ANKDD1A: variants seen among roughly 807,000 people sequenced by gnomAD.
ANKDD1A encodes ankyrin repeat and death domain-containing protein 1A.
Under a neutral mutation model 63.5 loss-of-function variants are expected in ANKDD1A, and 59 were observed. The observed-to-expected ratio is 0.93, with a 90% CI of 0.75 to 1.15. The LOEUF (loss-of-function observed/expected upper bound fraction) is 1.15. ANKDD1A is among the 50% of genes most tolerant of loss of function. The pLI, the probability that ANKDD1A is intolerant of heterozygous loss-of-function variation, is 0.00. For missense variants in ANKDD1A, 632 were observed against 656.4 expected, an observed-to-expected ratio of 0.96 and a Z score of 0.41; for synonymous variants, 266 against 263.9, an observed-to-expected ratio of 1.01 and a Z score of -0.08.
rs565229630 is a variant in ANKDD1A, at chr15:64,918,337, G to A, written c.267+823G>A. Among the ~76,000 whole-genome samples, 9 of 152,256 alleles carry A rather than the reference G, an allele frequency of 5.9e-5. No homozygotes were observed. In the East Asian group the frequency reaches 7.7e-4, roughly 13 times the overall value. On this transcript the variant is annotated intron_variant, in intron 3 of 14. Transcript: ENST00000319580. ...CCATGAAAACAATTTTCTTTGTTCC[G>A]GCTTCTCTCTGCTCCCAGGCCTCAC...
At chr15:64,942,646 T>A in intron 10 of ANKDD1A, 81 bp downstream of exon 10, 1 of 1,061,736 alleles carries the variant, frequency 9.4e-7, no homozygotes, top group Non-Finnish European at 1.4e-6. Flanking sequence ...TGTGGTCTCC[T>A]AGCATGGCCC....
At position 64,930,841 on chromosome 15, in the gene ANKDD1A, A is replaced by C; in HGVS notation, c.590A>C (p.His197Pro). 1 of 1,612,964 alleles carries C rather than the reference A, an allele frequency of 6.2e-7. No individual in the cohort carries two copies. The highest frequency in any genetic ancestry group is 2.2e-5 in the East Asian group (1 of 44,862). ...CTGCAGGAGGGGAACACTGCCCTTC[A>C]TCTGGCTGCTGGTCGGGGCCATATG... ...VKDKEGNTAL[H>P]LAAGRGHMAV... is the part of the protein sequence containing the mutation. Residue 197 changes from histidine (H) to proline (P), a missense_variant, in exon 7 of 15, where the codon CAT (histidine) becomes CCT (proline). By Grantham distance (77) the His-to-Pro change is moderately conservative. Transcript: ENST00000319580.
At chr15:64,953,380 TTTCTTC>T (rs142108770) in intron 14 of ANKDD1A, among the ~76,000 whole-genome samples, 8 of 144,868 alleles carry the variant, frequency 5.5e-5, no homozygotes, top group Admixed American at 2.8e-4. Flanking sequence ...CTTCTTTTCC[TTTCTTC>T]TTCTTAGTTC....
chr15:64,953,930 TTTC>T (rs2085366251), intron 14 of ANKDD1A, among the ~76,000 whole-genome samples: 1 of 6,782 alleles, frequency 1.5e-4, no homozygotes, highest in Non-Finnish European at 8.7e-4. Flanking sequence ...CTTTTTCTTT[TTTC>T]TTTTCTTCCT....
intron 12 of ANKDD1A, 62 bp downstream of exon 12, chr15:64,944,809 G>T: frequency 6.3e-7 from 1 of 1,575,698 alleles, no homozygotes; most frequent in South Asian, 1.1e-5. Flanking sequence ...GCTCCAGATG[G>T]AGCTGGCTTT....
intron 4 of ANKDD1A, among the ~76,000 whole-genome samples, chr15:64,923,900 G>A (rs181096486): frequency 6.6e-6 from 1 of 152,186 alleles, no homozygotes; most frequent in Non-Finnish European, 1.5e-5. Flanking sequence ...CGGGGTCTTG[G>A]GTGTATATGG....
At position 64,915,778 on chromosome 15, in the gene ANKDD1A, C is replaced by A. The variant is rs139539808; in HGVS notation, c.35-19C>A. On this transcript the variant is annotated intron_variant, in intron 1 of 14. Coordinates refer to ENST00000319580, the MANE Select transcript of ANKDD1A (RefSeq NM_182703.6). ...GGGGCATCCTCCCCCTCATCCTGCA[C>A]CCCATTTTCTCCCCACAGTGCTTCC... The A allele has an allele frequency of 4.3e-5, 70 of 1,610,252 alleles. No homozygotes were observed. In the East Asian group the frequency reaches 1.5e-3, roughly 35 times the overall value.
intron 14 of ANKDD1A, among the ~76,000 whole-genome samples, chr15:64,952,825 TCC>T (rs2085321868): frequency 2.1e-5 from 3 of 142,332 alleles, no homozygotes; most frequent in Non-Finnish European, 3.1e-5. Context: ...TTCTTCCTCC[TCC>T]TTCTTCCTTT....
At chr15:64,927,111 G>A (rs568645848) in intron 6 of ANKDD1A, 112 bp downstream of exon 6, 58 of 1,082,966 alleles carry the variant, frequency 5.4e-5, no homozygotes, top group Middle Eastern at 4.0e-4. Context: ...CTGGAGGCCC[G>A]TGTGGCCCAA....
intron 14 of ANKDD1A, among the ~76,000 whole-genome samples, chr15:64,952,222 CCTT>C (rs1566916456): frequency 6.9e-6 from 1 of 144,836 alleles, no homozygotes; most frequent in East Asian, 2.0e-4. Flanking sequence ...TCTTCTTCTT[CCTT>C]CTCCTCCTTT....
intron 11 of ANKDD1A, among the ~76,000 whole-genome samples, chr15:64,944,440 G>A (rs1043020399): frequency 6.6e-6 from 1 of 152,146 alleles, no homozygotes; most frequent in African/African-American, 2.4e-5. Context: ...CACAAGAGGT[G>A]GTCATTGGAA....
intron 14 of ANKDD1A, among the ~76,000 whole-genome samples, chr15:64,956,427 T>C (rs897706719): frequency 3.3e-5 from 5 of 151,976 alleles, no homozygotes; most frequent in Non-Finnish European, 7.4e-5. Flanking sequence ...CGGGCACCTG[T>C]AGTCAGTCGC....
At chr15:64,948,363 T>C (rs1052573473) in intron 13 of ANKDD1A, among the ~76,000 whole-genome samples, 1 of 152,244 alleles carries the variant, frequency 6.6e-6, no homozygotes, top group African/African-American at 2.4e-5. Flanking sequence ...ATTAAAACTT[T>C]GATCTAATTT....
At chr15:64,935,446 C>T (rs1000657428) in intron 9 of ANKDD1A, among the ~76,000 whole-genome samples, 6 of 151,832 alleles carry the variant, frequency 4.0e-5, no homozygotes, top group South Asian at 2.1e-4. Flanking sequence ...GAGGCCGAGG[C>T]GGGCGGATCA....
chr15:64,954,574 CTTCTTCCTTA>C (rs773117314), intron 14 of ANKDD1A, among the ~76,000 whole-genome samples: 21 of 141,250 alleles, frequency 1.5e-4, no homozygotes, highest in Non-Finnish European at 2.8e-4. Flanking sequence ...CCTTGTTCTC[CTTCTTCCTTA>C]TTCTTCCTTC....
intron 14 of ANKDD1A, 102 bp downstream of exon 14, chr15:64,950,074 C>A: frequency 1.3e-6 from 2 of 1,546,666 alleles, no homozygotes; most frequent in African/African-American, 1.4e-5. Flanking sequence ...TGCTGTGATG[C>A]TGGCTCTAGG....
chr15:64,951,404 C>CTTTTCTTCCTCTTTT (rs2085272933), intron 14 of ANKDD1A: 1 of 47,836 alleles, frequency 2.1e-5, no homozygotes, highest in Non-Finnish European at 2.6e-5. Flanking sequence ...CCTCTTTTTT[C>CTTTTCTTCCTCTTTT]TTTTTTCTTT....
Position 64,930,931 on chromosome 15 carries a change from G to A in ANKDD1A, c.669+11G>A, listed in dbSNP as rs371340673. The A allele has an allele frequency of 8.3e-5, 133 of 1,607,962 alleles. No homozygotes were observed. The highest frequency in any genetic ancestry group is 1.7e-4 in the Admixed American group (10 of 59,826). Reference sequence around the variant, plus strand: ...GAGGAGCAGAATGCGGTGAGTCACCGCCTGGGGATGGCGAGATGCATGACC... The same window carrying A: ...GAGGAGCAGAATGCGGTGAGTCACCACCTGGGGATGGCGAGATGCATGACC... On this transcript the variant is annotated intron_variant, in intron 7 of 14. Transcript: ENST00000319580.
chr15:64,924,318 G>T (rs1200124162), intron 4 of ANKDD1A, among the ~76,000 whole-genome samples: 1 of 152,252 alleles, frequency 6.6e-6, no homozygotes, highest in African/African-American at 2.4e-5. Context: ...AGAGGCCAAG[G>T]CTGGAAAGCC....
Sources: gnomAD v4.1 joint callset for allele counts (sites outside exome capture counted in the v4.1 genomes callset) on GRCh38, gnomAD v4.1.1 for gene constraint, MANE v1.5 for transcripts, NCBI Gene and HGNC (gene_info 2026-07-23, HGNC 2026-07-21) for gene names.